The following TRIM14 variants were observed in gnomAD, a reference collection of about 807,000 sequenced individuals.
The protein encoded by TRIM14 is tripartite motif-containing protein 14.
TRIM14 carries 28 observed loss-of-function variants against 44.5 expected under a neutral mutation model. The observed-to-expected ratio is 0.63, with a 90% CI of 0.47 to 0.86. The LOEUF is 0.86. TRIM14 is among the 40% of genes least tolerant of loss of function. The probability of loss-of-function intolerance (pLI) is 0.00; values close to 1 mark genes in which losing one functional copy is unlikely to be tolerated. For missense variants in TRIM14, 607 were observed against 611.1 expected (o/e 0.99, Z 0.07); for synonymous variants, 299 against 269.2 (o/e 1.11, Z -1.08).
chr9:98,097,022 T>C (rs768935424), intron 3 of TRIM14, among the ~76,000 whole-genome samples: 1 of 152,074 alleles, frequency 6.6e-6, no homozygotes, highest in African/African-American at 2.4e-5. Flanking sequence ...GGTGAAACAC[T>C]GTCTCTACTA....
downstream of TRIM14, chr9:98,083,099 C>T (rs1460351630): frequency 1.3e-6 from 2 of 1,586,174 alleles, no homozygotes; most frequent in East Asian, 2.2e-5. Flanking sequence ...CTTGCTGATG[C>T]TGTCAGGTGT....
intron 6 of TRIM14, chr9:98,077,017 G>C (rs1829622852): frequency 1.2e-6 from 2 of 1,600,672 alleles, no homozygotes; most frequent in South Asian, 2.2e-5. Flanking sequence ...AGCCAAAAAA[G>C]GTAAGTGTCT....
intron 4 of TRIM14, chr9:98,092,510 G>C: frequency 2.3e-6 from 1 of 429,064 alleles, no homozygotes; most frequent in Non-Finnish European, 4.7e-6. Context: ...CCGCAGAAGT[G>C]CCTTCCGCCC....
At chr9:98,083,163 C>T, downstream of TRIM14, 1 of 998,912 alleles carries the variant, frequency 1.0e-6, no homozygotes, top group Non-Finnish European at 1.5e-6. Context: ...GGCTGTCATC[C>T]ACCTCCACCT....
the TRIM14 span, among the ~76,000 whole-genome samples, chr9:98,049,338 CATA>C: frequency 3.6e-4 from 14 of 38,582 alleles, no homozygotes; most frequent in African/African-American, 1.6e-3. Flanking sequence ...TGAGACTCTG[CATA>C]AAAAAAAAAA....
chr9:98,092,063 C>A, intron 4 of TRIM14, 62 bp from the exon 5 acceptor site: 2 of 1,278,692 alleles, frequency 1.6e-6, no homozygotes, highest in South Asian at 1.4e-5. Context: ...ATAAGACGTG[C>A]TAAAAATACC....
At chr9:98,096,920 TG>T (rs1826206825) in intron 3 of TRIM14, among the ~76,000 whole-genome samples, 1 of 152,140 alleles carries the variant, frequency 6.6e-6, no homozygotes, top group African/African-American at 2.4e-5. Context: ...TCCCCTGGGC[TG>T]GGTGCAGTGG....
Position 98,109,761 on chromosome 9 carries a change from G to A in TRIM14, c.303+128C>T, listed in dbSNP as rs1432288637. 5 of 728,504 alleles carry A rather than the reference G, an allele frequency of 6.9e-6. No homozygotes were observed. In the East Asian group the frequency reaches 7.4e-5, roughly 11 times the overall value. 45.1% of individuals were successfully genotyped at this position (728,504 alleles called of 1,614,324 possible). ...TTCTAAAGAACCCTGAATTATAGAAGCTCCAGGCCCCACCATCTGCCCCTT... is the reference window on the plus strand; with the variant it reads ...TTCTAAAGAACCCTGAATTATAGAAACTCCAGGCCCCACCATCTGCCCCTT... On this transcript the variant is annotated intron_variant, in intron 2 of 5. Coordinates refer to ENST00000341469, the MANE Select transcript of TRIM14 (RefSeq NM_014788.4).
chr9:98,082,955 T>A, downstream of TRIM14: 1 of 1,614,180 alleles, frequency 6.2e-7, no homozygotes, highest in Non-Finnish European at 8.5e-7. Context: ...CCTGAAGACA[T>A]CTTTAATCTA....
Position 98,100,058 on chromosome 9 carries a change from G to C in TRIM14, c.410C>G (p.Thr137Arg). 1 of 1,614,158 alleles carries C rather than the reference G, an allele frequency of 6.2e-7. No individual in the cohort carries two copies. The highest frequency in any genetic ancestry group is 8.5e-7 in the Non-Finnish European group (1 of 1,180,028). ...CCTGTACACCTGGAGGGTAAGCTGC[G>C]TGTTTTTATCAATGAATTTCTTGGC... ...ALAKKFIDKN[T>R]QLTLQVYREQ... The change falls in exon 3 of 6, where the codon ACG (threonine) becomes AGG (arginine). Residue 137 changes from threonine (T) to arginine (R), a missense_variant. This residue lies in a region of TRIM14 where 246 missense variants were observed against 270.8 expected (regional missense o/e 0.91). Coordinates refer to ENST00000341469, the MANE Select transcript of TRIM14 (RefSeq NM_014788.4).
chr9:98,101,747 C>A (rs1173893999), intron 2 of TRIM14, among the ~76,000 whole-genome samples: 1 of 152,150 alleles, frequency 6.6e-6, no homozygotes, highest in Non-Finnish European at 1.5e-5. Context: ...TTTATTCTTT[C>A]ATGCAGCAAT....
Position 98,087,288 on chromosome 9 carries a change from T to G in TRIM14, c.*182A>C. On this transcript the variant is annotated 3_prime_UTR_variant, in exon 6 of 6. Transcript: ENST00000341469. The stretch of plus-strand genomic sequence containing the variant: ...GCAGCAGACTTGTTTAGGGCCTGTT[T>G]GAAACTAGCCTAGGAGAGGAAACCT... The G allele has an allele frequency of 3.0e-6, 3 of 995,516 alleles. No homozygotes were observed. The highest frequency in any genetic ancestry group is 4.9e-6 in the Non-Finnish European group (3 of 615,494). The allele number at this position is 995,516 out of a possible 1,614,324, so 61.7% of individuals were successfully genotyped here. A position where few individuals can be genotyped will look rare whatever the true frequency, so the allele number is the denominator to read the frequency against.
At chr9:98,070,181 G>A (rs1032075423) in intron 6 of TRIM14, among the ~76,000 whole-genome samples, 3 of 152,184 alleles carry the variant, frequency 2.0e-5, no homozygotes, top group African/African-American at 4.8e-5. Flanking sequence ...GCAGTGGCAC[G>A]ATTGTGGCTC....
the TRIM14 span, among the ~76,000 whole-genome samples, chr9:98,043,189 T>C: frequency 6.6e-6 from 1 of 152,010 alleles, no homozygotes; most frequent in African/African-American, 2.4e-5. Context: ...TGCATTTTTT[T>C]TTTTTTTAGA....
chr9:98,102,028 A>C (rs1587962111), intron 2 of TRIM14, among the ~76,000 whole-genome samples: 1 of 151,982 alleles, frequency 6.6e-6, no homozygotes, highest in East Asian at 1.9e-4. Flanking sequence ...AAAAAAAAGA[A>C]AAGAAAAAAA....
intron 4 of TRIM14, chr9:98,092,464 T>C: frequency 2.6e-6 from 1 of 378,636 alleles, no homozygotes; most frequent in Non-Finnish European, 5.3e-6. Context: ...GGTTGCCTCC[T>C]TCCCAGCTAT....
In TRIM14 at chr9:98,084,927, A is replaced by AT. The variant is rs1825718869; in HGVS notation, c.*2542dup. 6.6e-6 allele frequency: 1 copy of AT among 152,136 alleles called. No homozygotes were observed. The highest frequency in any genetic ancestry group is 1.5e-5 in the Non-Finnish European group (1 of 68,024). 9.4% of individuals were successfully genotyped at this position (152,136 alleles called of 1,614,324 possible). Reference sequence around the variant, plus strand: ...CTTGGTAGGTAGTGCTATTATCCCCATTTTATAGATGGCACTGAGAAGTAA... The same window carrying AT: ...CTTGGTAGGTAGTGCTATTATCCCCATTTTTATAGATGGCACTGAGAAGTAA... On this transcript the variant is annotated 3_prime_UTR_variant, in exon 6 of 6. Transcript: ENST00000341469.
chr9:98,075,595 T>C (rs1212039166), intron 6 of TRIM14: 3 of 152,142 alleles, frequency 2.0e-5, no homozygotes, highest in Non-Finnish European at 4.4e-5. Flanking sequence ...AGGGAAAGAT[T>C]TGTGCCCATG....
downstream of TRIM14, among the ~76,000 whole-genome samples, chr9:98,084,142 A>C (rs1825678726): frequency 6.6e-6 from 1 of 152,090 alleles, no homozygotes; most frequent in East Asian, 1.9e-4. Flanking sequence ...GATTCAAGGG[A>C]CCTCAAGAGA....
Sources: allele counts gnomAD v4.1 joint callset (sites outside exome capture counted in the v4.1 genomes callset), GRCh38; gene constraint gnomAD v4.1.1; regional missense constraint gnomAD v4.1.1; transcripts MANE v1.5; gene names NCBI Gene and HGNC (gene_info 2026-07-23, HGNC 2026-07-21).